The following SLC6A3 variants were observed in gnomAD, a reference collection of about 807,000 sequenced individuals.
SLC6A3 encodes sodium-dependent dopamine transporter.
SLC6A3 carries 19 observed loss-of-function variants against 70.4 expected under a neutral mutation model. The ratio of observed to expected loss-of-function variants is 0.27; its 90% CI spans 0.19 to 0.40. The LOEUF is 0.40. Among genes scored for constraint, SLC6A3 ranks in the 10% least tolerant of loss-of-function variants. The pLI, the probability that SLC6A3 is intolerant of heterozygous loss-of-function variation, is 1.00. For synonymous variants in SLC6A3, 368 were observed against 356.6 expected (o/e 1.03, Z -0.36); for missense variants, 613 against 838.5 (o/e 0.73, Z 3.32).
chr5:1,409,955 C>CG, intron 9 of SLC6A3, 106 bp from the exon 10 acceptor site: 1 of 1,446,662 alleles, frequency 6.9e-7, no homozygotes, highest in Non-Finnish European at 9.6e-7. Context: ...GGGATGGACA[C>CG]GGAACAGGGG....
In SLC6A3 at chr5:1,408,882, C is replaced by G. The variant is rs1579704983; in HGVS notation, c.1498+144G>C. ...CCCATCAAAGGGACCAGTGCCAAGCCTCTCCCCTCTGCGGAGCTGTGATGA... is the reference window on the plus strand; with the variant it reads ...CCCATCAAAGGGACCAGTGCCAAGCGTCTCCCCTCTGCGGAGCTGTGATGA... On this transcript the variant is annotated intron_variant, in intron 11 of 14. Transcript: ENST00000270349. This position sits in a 1 kb window ranked among gnomAD's most constrained non-coding sequence, Gnocchi z 6.4. 1 of 702,142 alleles carries G rather than the reference C, an allele frequency of 1.4e-6. No homozygotes were observed. The highest frequency in any genetic ancestry group is 1.5e-5 in the South Asian group (1 of 65,806). 43.5% of individuals were successfully genotyped at this position (702,142 alleles called of 1,614,324 possible). A position where few individuals can be genotyped will look rare whatever the true frequency, so the allele number is the denominator to read the frequency against.
Position 1,394,206 on chromosome 5 carries a change from G to A in SLC6A3, c.*529C>T, listed in dbSNP as rs192107796. Reference sequence around the variant, plus strand: ...CGGCCTCTGCTGGGAGCCACGCATCGGGAAAGGACTTTGCATGAATTTGTG... The same window carrying A: ...CGGCCTCTGCTGGGAGCCACGCATCAGGAAAGGACTTTGCATGAATTTGTG... On this transcript the variant is annotated 3_prime_UTR_variant, in exon 15 of 15. Transcript: ENST00000270349. The surrounding 1 kb of genome is among the most constrained non-coding windows in gnomAD (Gnocchi z 4.7). The A allele has an allele frequency of 3.6e-4, 66 of 182,206 alleles. 1 individual carries two copies. In the East Asian group the frequency reaches 9.0e-3, roughly 25 times the overall value. The allele number at this position is 182,206 out of a possible 1,614,324, so 11.3% of individuals were successfully genotyped here. A position where few individuals can be genotyped will look rare whatever the true frequency, so the allele number is the denominator to read the frequency against.
chr5:1,405,521 T>A lies in SLC6A3; in HGVS notation c.1599+667A>T, dbSNP rs1755951445. Among the ~76,000 whole-genome samples, 1 of 152,188 alleles carries A rather than the reference T, an allele frequency of 6.6e-6. No homozygotes were observed. The highest frequency in any genetic ancestry group is 6.5e-5 in the Admixed American group (1 of 15,284). On this transcript the variant is annotated intron_variant, in intron 12 of 14. Transcript: ENST00000270349. The surrounding 1 kb of genome is among the most constrained non-coding windows in gnomAD (Gnocchi z 5.3). ...TGCTTAGACTTGGACAGCTCTTAGGTTGCCTGCCCAGATCAGGCAGCACAG... is the reference window on the plus strand; with the variant it reads ...TGCTTAGACTTGGACAGCTCTTAGGATGCCTGCCCAGATCAGGCAGCACAG...
chr5:1,412,178 T>C (rs1756145683), intron 8 of SLC6A3, among the ~76,000 whole-genome samples: 1 of 152,250 alleles, frequency 6.6e-6, no homozygotes, highest in Admixed American at 6.5e-5. Flanking sequence ...AGGTTAGACG[T>C]GGCTGCACTT....
intron 14 of SLC6A3, among the ~76,000 whole-genome samples, chr5:1,398,360 CA>C (rs57135183): frequency 0.044 from 3,028 of 69,010 alleles, 19 homozygotes; most frequent in Non-Finnish European, 0.053. Flanking sequence ...GACTCCACCT[CA>C]AAAAAAAAAA....
At position 1,397,285 on chromosome 5, in the gene SLC6A3, C is replaced by G. The variant is rs565084479; in HGVS notation, c.1840-2527G>C. ...CCAGAGAGGAAAAATAAAAAGAAAC[C>G]AAATTAACGGTGGTGGGTGCCTGCA... On this transcript the variant is annotated intron_variant, in intron 14 of 14. Transcript: ENST00000270349. The surrounding 1 kb of genome is among the most constrained non-coding windows in gnomAD (Gnocchi z 4.7). Among the ~76,000 whole-genome samples the G allele has an allele frequency of 6.6e-6, 1 of 152,172 alleles. No individual in the cohort carries two copies. The highest frequency in any genetic ancestry group is 1.9e-4 in the East Asian group (1 of 5,180).
intron 4 of SLC6A3, among the ~76,000 whole-genome samples, chr5:1,425,264 A>G (rs187125939): frequency 2.6e-4 from 39 of 152,274 alleles, no homozygotes; most frequent in African/African-American, 8.7e-4. Flanking sequence ...CAGCCCTCTC[A>G]CCCCGTTTTA....
At chr5:1,443,334 C>G (rs907287126) in intron 1 of SLC6A3, 92 bp from the exon 2 acceptor site, 1 of 1,015,238 alleles carries the variant, frequency 9.8e-7, no homozygotes, top group African/African-American at 1.6e-5. Context: ...GGCAGAGCCC[C>G]GAGGCATTCA....
intron 6 of SLC6A3, 85 bp downstream of exon 6, chr5:1,420,484 C>CTT (rs1266937100): frequency 6.5e-7 from 1 of 1,540,516 alleles, no homozygotes; most frequent in African/African-American, 1.4e-5. Context: ...TCTGACACCT[C>CTT]TCAGCCCTGG....
chr5:1,410,886 G>A (rs1163969690), intron 9 of SLC6A3, among the ~76,000 whole-genome samples: 1 of 152,018 alleles, frequency 6.6e-6, no homozygotes, highest in Non-Finnish European at 1.5e-5. Context: ...GTGTATGTGT[G>A]TGCATGCATG....
intron 14 of SLC6A3, among the ~76,000 whole-genome samples, 195 bp downstream of exon 14, chr5:1,400,720 A>G (rs1755828356): frequency 6.6e-6 from 1 of 152,098 alleles, no homozygotes; most frequent in African/African-American, 2.4e-5. Context: ...CCCCTGCGTC[A>G]TGTGCCCCCC....
intron 4 of SLC6A3, among the ~76,000 whole-genome samples, chr5:1,430,174 C>T (rs1433310373): frequency 6.6e-6 from 1 of 152,136 alleles, no homozygotes; most frequent in East Asian, 1.9e-4. Flanking sequence ...TGAGCGTCTT[C>T]CTGGCGCCCC....
rs1327770634 is a variant in SLC6A3 at position 1,442,796 on chromosome 5, G to T, written c.286+116C>A. On this transcript the variant is annotated intron_variant, in intron 2 of 14. Coordinates refer to ENST00000270349, the MANE Select transcript of SLC6A3 (RefSeq NM_001044.5). The surrounding 1 kb of genome is among the most constrained non-coding windows in gnomAD (Gnocchi z 5.0). ...CACCGGCCGTGAGCTCTCACAGGGA[G>T]CTCCGTCTTCACGCATGGGAACAGC... 2.8e-6 allele frequency: 3 copies of T among 1,054,818 alleles called. No homozygotes were observed. The highest frequency in any genetic ancestry group is 3.1e-5 in the African/African-American group (2 of 64,066). The allele number at this position is 1,054,818 out of a possible 1,614,324, so 65.3% of individuals were successfully genotyped here.
chr5:1,437,107 G>A lies in SLC6A3; in HGVS notation c.418+4252C>T, dbSNP rs752841704. ...TCTACTAAAAATACAAAAAATTAGC[G>A]GGGCGTGGTGGCACGCACCTGTAGC... On this transcript the variant is annotated intron_variant, in intron 3 of 14. Coordinates refer to ENST00000270349, the MANE Select transcript of SLC6A3 (RefSeq NM_001044.5). This position sits in a 1 kb window ranked among gnomAD's most constrained non-coding sequence, Gnocchi z 4.8. Among the ~76,000 whole-genome samples, 10 of 151,964 alleles carry A rather than the reference G, an allele frequency of 6.6e-5. No homozygotes were observed. Among genetic ancestry groups the A allele is most frequent in the African/African-American group, 7.2e-5 (3 of 41,394 alleles).
chr5:1,439,193 A>G (rs1283918753), intron 3 of SLC6A3, among the ~76,000 whole-genome samples: 3 of 151,980 alleles, frequency 2.0e-5, no homozygotes, highest in Non-Finnish European at 4.4e-5. Flanking sequence ...GGACCTGACG[A>G]CGGGGACGGA....
At chr5:1,443,277 A>G in intron 1 of SLC6A3, 35 bp from the exon 2 acceptor site, 4 of 1,514,376 alleles carry the variant, frequency 2.6e-6, no homozygotes, top group Non-Finnish European at 3.6e-6. Flanking sequence ...ACACAACAGG[A>G]ACGCAACAAT....
chr5:1,429,229 C>T lies in SLC6A3; in HGVS notation c.653+3235G>A, dbSNP rs534074797. ...CCCCAAGAGTCACTGGGGCCTGTTT[C>T]AGGGGAACCTCAGTCCCACTGGTGG... is the stretch of plus-strand genomic sequence containing the variant. On this transcript the variant is annotated intron_variant, in intron 4 of 14. Transcript: ENST00000270349. Among the ~76,000 whole-genome samples, 49 of 152,348 alleles carry T rather than the reference C, an allele frequency of 3.2e-4. No homozygotes were observed. The South Asian group carries it at 5.2e-3, about 16-fold the overall frequency.
intron 4 of SLC6A3, among the ~76,000 whole-genome samples, chr5:1,425,057 A>T (rs1372063130): frequency 6.6e-6 from 1 of 152,254 alleles, no homozygotes; most frequent in Non-Finnish European, 1.5e-5. Flanking sequence ...TTCATAAGCC[A>T]TAATAGTTGG....
In SLC6A3 at chr5:1,420,715, G is replaced by A. The variant is rs1461367159; in HGVS notation, c.793-12C>T. ...GTGATCCATACCACCTGCAGGAGAGGACAGTGTCACCAGGCTGCACAGGCA... is the reference window on the plus strand; with the variant it reads ...GTGATCCATACCACCTGCAGGAGAGAACAGTGTCACCAGGCTGCACAGGCA... On this transcript the variant is annotated splice_polypyrimidine_tract_variant and intron_variant, in intron 5 of 14. Coordinates refer to ENST00000270349, the MANE Select transcript of SLC6A3 (RefSeq NM_001044.5). The A allele has an allele frequency of 6.2e-7, 1 of 1,612,842 alleles. No homozygotes were observed. Among genetic ancestry groups the A allele is most frequent in the South Asian group, 1.1e-5 (1 of 91,066 alleles).
Sources: gnomAD v4.1 joint callset for allele counts (sites outside exome capture counted in the v4.1 genomes callset) on GRCh38, gnomAD v4.1.1 for gene constraint, Gnocchi (gnomAD v3.1) non-coding constraint, MANE v1.5 for transcripts, NCBI Gene and HGNC (gene_info 2026-07-23, HGNC 2026-07-21) for gene names.